The following PUM1 variants were observed in gnomAD, a reference collection of about 807,000 sequenced individuals.
PUM1 encodes pumilio homolog 1.
A neutral mutation model predicts 131.8 loss-of-function variants in PUM1; 13 were observed. That is an observed-to-expected ratio of 0.10 (90% confidence interval 0.06 to 0.16). PUM1 has a LOEUF of 0.16. Ranked by LOEUF, PUM1 falls within the 10% of genes least tolerant of loss-of-function variation. The probability of loss-of-function intolerance (pLI) is 1.00; values close to 1 mark genes in which losing one functional copy is unlikely to be tolerated. For missense variants in PUM1, 961 were observed against 1,512.4 expected, an observed-to-expected ratio of 0.64 and a Z score of 6.05; for synonymous variants, 509 against 556.5, an observed-to-expected ratio of 0.91 and a Z score of 1.20.
At chr1:30,942,457 T>A (rs1639494429) in intron 18 of PUM1, among the ~76,000 whole-genome samples, 1 of 151,686 alleles carries the variant, frequency 6.6e-6, no homozygotes. Flanking sequence ...GTGTGTCAAC[T>A]GACAACCTCT....
At chr1:30,993,153 G>A (rs1243836293) in intron 6 of PUM1, among the ~76,000 whole-genome samples, 1 of 152,218 alleles carries the variant, frequency 6.6e-6, no homozygotes, top group East Asian at 1.9e-4. Context: ...GTTTTTACAT[G>A]TCGTTGGTAT....
intron 15 of PUM1, among the ~76,000 whole-genome samples, chr1:30,953,465 CTTGTAT>C (rs1418440022): frequency 2.0e-5 from 3 of 152,202 alleles, no homozygotes; most frequent in Non-Finnish European, 1.5e-5. Context: ...CTAGATCAAA[CTTGTAT>C]TTGAATAGCA....
intron 1 of PUM1, among the ~76,000 whole-genome samples, chr1:31,063,670 G>C (rs1644415321): frequency 1.3e-5 from 2 of 152,184 alleles, no homozygotes; most frequent in South Asian, 4.2e-4. Context: ...CATAAAAGAG[G>C]AGTTTATCAC....
At chr1:30,996,191 G>A (rs1382797892) in intron 5 of PUM1, among the ~76,000 whole-genome samples, 1 of 152,210 alleles carries the variant, frequency 6.6e-6, no homozygotes, top group African/African-American at 2.4e-5. Context: ...TAAAACTAGA[G>A]GGAAGCAGCC....
At chr1:31,046,998 C>T (rs1014765409) in intron 2 of PUM1, among the ~76,000 whole-genome samples, 1 of 152,084 alleles carries the variant, frequency 6.6e-6, no homozygotes, top group Admixed American at 6.6e-5. Flanking sequence ...AAAAATCAGC[C>T]TGGCCAACAT....
chr1:31,033,432 C>A (rs998267475), intron 2 of PUM1, among the ~76,000 whole-genome samples: 1 of 143,382 alleles, frequency 7.0e-6, no homozygotes, highest in Non-Finnish European at 1.5e-5. Context: ...GTCGCCCAGG[C>A]CGGACTGCGG....
At chr1:30,955,613 G>A (rs1640131085) in intron 14 of PUM1, among the ~76,000 whole-genome samples, 1 of 152,144 alleles carries the variant, frequency 6.6e-6, no homozygotes, top group Admixed American at 6.5e-5. Context: ...GGCCAAAGGA[G>A]GTAAGAAATA....
At chr1:30,986,954 C>T (rs918024169) in intron 7 of PUM1, among the ~76,000 whole-genome samples, 1 of 152,156 alleles carries the variant, frequency 6.6e-6, no homozygotes, top group Non-Finnish European at 1.5e-5. Flanking sequence ...TGACTGTGGT[C>T]GTGCAGGAAT....
chr1:31,053,954 C>T lies in PUM1; in HGVS notation c.363+5250G>A, dbSNP rs1439249478. Among the ~76,000 whole-genome samples the T allele has an allele frequency of 2.6e-5, 4 of 151,872 alleles. No individual in the cohort carries two copies. In the East Asian group the frequency reaches 7.8e-4, roughly 30 times the overall value. ...TACTAAAAATACAAAATTAGCCGGG[C>T]GTGGTGGTGCACACTTGTAGTCCCA... On this transcript the variant is annotated intron_variant, in intron 2 of 21. Transcript: ENST00000426105.
At position 31,048,403 on chromosome 1, in the gene PUM1, T is replaced by C. The variant is rs192855569; in HGVS notation, c.363+10801A>G. On this transcript the variant is annotated intron_variant, in intron 2 of 21. Coordinates refer to ENST00000426105, the MANE Select transcript of PUM1 (RefSeq NM_001020658.2). ...TAAGTAAGAATCTCAGGAATCATTATGCTTTCCTCTTTTCTTTAGCCACCA... is the reference window on the plus strand; with the variant it reads ...TAAGTAAGAATCTCAGGAATCATTACGCTTTCCTCTTTTCTTTAGCCACCA... Among the ~76,000 whole-genome samples the C allele has an allele frequency of 5.3e-5, 8 of 152,002 alleles. No homozygotes were observed. The East Asian group carries it at 1.2e-3, about 22-fold the overall frequency.
At chr1:30,958,294 A>C (rs1640255038) in intron 14 of PUM1, among the ~76,000 whole-genome samples, 1 of 152,248 alleles carries the variant, frequency 6.6e-6, no homozygotes, top group Non-Finnish European at 1.5e-5. Context: ...CTAAGTTTAG[A>C]ACTAAATTGA....
chr1:31,033,592 C>T (rs889846500), intron 2 of PUM1, among the ~76,000 whole-genome samples: 5 of 152,024 alleles, frequency 3.3e-5, no homozygotes, highest in Non-Finnish European at 5.9e-5. Flanking sequence ...TCTCGAAGCC[C>T]TAAGCCCAAG....
At chr1:30,977,351 T>C (rs899766331) in intron 9 of PUM1, among the ~76,000 whole-genome samples, 1 of 152,200 alleles carries the variant, frequency 6.6e-6, no homozygotes, top group African/African-American at 2.4e-5. Flanking sequence ...CAGCCGTATC[T>C]ACCTTGAATG....
intron 18 of PUM1, among the ~76,000 whole-genome samples, chr1:30,943,383 C>G (rs1639540946): frequency 6.6e-6 from 1 of 152,082 alleles, no homozygotes; most frequent in Admixed American, 6.5e-5. Context: ...CTGCTTCAGC[C>G]TCCCAAGTAG....
chr1:31,000,059 G>A (rs1642149837), intron 5 of PUM1, among the ~76,000 whole-genome samples: 1 of 152,220 alleles, frequency 6.6e-6, no homozygotes, highest in African/African-American at 2.4e-5. Context: ...ACCAGAGATT[G>A]ATCTGATTGG....
At chr1:31,019,792 C>T (rs1642954897) in intron 3 of PUM1, among the ~76,000 whole-genome samples, 1 of 152,106 alleles carries the variant, frequency 6.6e-6, no homozygotes, top group Admixed American at 6.5e-5. Context: ...ATGAAATTCC[C>T]AGAGTGAATC....
Position 30,932,663 on chromosome 1 carries a change from A to AT in PUM1, c.*547dup, listed in dbSNP as rs1414443241. Reference sequence around the variant, plus strand: ...ATTATATATATATATATATATATATATATTTTTTATAAACAGTGTTAAATG... The same window carrying AT: ...ATTATATATATATATATATATATATATTATTTTTTATAAACAGTGTTAAATG... On this transcript the variant is annotated 3_prime_UTR_variant, in exon 22 of 22. Coordinates refer to ENST00000426105, the MANE Select transcript of PUM1 (RefSeq NM_001020658.2). 1.0e-4 allele frequency: 7 copies of AT among 67,112 alleles called. No homozygotes were observed. The highest frequency in any genetic ancestry group is 3.2e-4 in the African/African-American group (7 of 22,158). The allele number at this position is 67,112 out of a possible 1,614,324, so 4.2% of individuals were successfully genotyped here. A position where few individuals can be genotyped will look rare whatever the true frequency, so the allele number is the denominator to read the frequency against.
At chr1:30,970,813 T>C (rs1570163037) in intron 10 of PUM1, among the ~76,000 whole-genome samples, 1 of 152,154 alleles carries the variant, frequency 6.6e-6, no homozygotes, top group East Asian at 1.9e-4. Context: ...TTGCTGAAGA[T>C]TTTAAAAAAC....
At chr1:31,022,070 G>C in intron 3 of PUM1, among the ~76,000 whole-genome samples, 1 of 98,704 alleles carries the variant, frequency 1.0e-5, no homozygotes, top group African/African-American at 5.3e-5. Context: ...TATTACTTCC[G>C]AGCCTAGAAA....
Sources: gnomAD v4.1 joint callset for allele counts (sites outside exome capture counted in the v4.1 genomes callset) on GRCh38, gnomAD v4.1.1 for gene constraint, MANE v1.5 for transcripts, NCBI Gene and HGNC (gene_info 2026-07-23, HGNC 2026-07-21) for gene names.